NECTIN3: variants seen among roughly 807,000 people sequenced by gnomAD.
NECTIN3 encodes nectin-3.
A neutral mutation model predicts 49.4 loss-of-function variants in NECTIN3; 8 were observed. The ratio of observed to expected loss-of-function variants is 0.16; its 90% CI spans 0.10 to 0.29. The LOEUF (loss-of-function observed/expected upper bound fraction) is 0.29. Ranked by LOEUF, NECTIN3 falls within the 10% of genes least tolerant of loss-of-function variation. The probability of loss-of-function intolerance (pLI) is 1.00; values close to 1 mark genes in which losing one functional copy is unlikely to be tolerated. For synonymous variants in NECTIN3, 277 were observed against 241.1 expected (o/e 1.15, Z -1.38); for missense variants, 581 against 654.6 (o/e 0.89, Z 1.23).
chr3:111,176,545 T>C (rs1284874392), intron 7 of NECTIN3, among the ~76,000 whole-genome samples: 2 of 152,214 alleles, frequency 1.3e-5, no homozygotes, highest in Admixed American at 6.5e-5. Flanking sequence ...ATTTAAAAAA[T>C]TGGTGTTCCT....
downstream of NECTIN3, among the ~76,000 whole-genome samples, chr3:111,138,991 T>G (rs1246508584): frequency 6.6e-5 from 10 of 151,618 alleles, no homozygotes; most frequent in Non-Finnish European, 1.3e-4. Flanking sequence ...CTTCTTATTA[T>G]GGAAAATTAT....
intron 7 of NECTIN3, among the ~76,000 whole-genome samples, chr3:111,166,168 C>G (rs1291164261): frequency 6.6e-6 from 1 of 152,158 alleles, no homozygotes; most frequent in African/African-American, 2.4e-5. Context: ...CCACAGTCAC[C>G]AGAATGGGCA....
chr3:111,098,511 T>TC (rs2032719676), intron 1 of NECTIN3, among the ~76,000 whole-genome samples: 1 of 152,208 alleles, frequency 6.6e-6, no homozygotes, highest in Non-Finnish European at 1.5e-5. Context: ...TTTTCCTGTG[T>TC]CTTTACATGG....
intron 7 of NECTIN3, among the ~76,000 whole-genome samples, chr3:111,170,657 G>C (rs1006036304): frequency 2.0e-5 from 3 of 152,154 alleles, no homozygotes; most frequent in Non-Finnish European, 4.4e-5. Context: ...GAGGTAAGGG[G>C]AACTTCTGGC....
upstream of NECTIN3, among the ~76,000 whole-genome samples, chr3:111,191,288 AT>A (rs1343192774): frequency 6.6e-6 from 1 of 152,218 alleles, no homozygotes; most frequent in African/African-American, 2.4e-5. Flanking sequence ...AAATAAAGAT[AT>A]TAGTTTTGTT....
intron 7 of NECTIN3, among the ~76,000 whole-genome samples, chr3:111,184,140 T>G (rs1031855064): frequency 4.6e-5 from 7 of 152,184 alleles, no homozygotes; most frequent in Non-Finnish European, 1.0e-4. Context: ...ATCCAGTGAC[T>G]TTTTCCATTT....
At chr3:111,172,304 A>T (rs760650293) in intron 7 of NECTIN3, among the ~76,000 whole-genome samples, 1 of 152,180 alleles carries the variant, frequency 6.6e-6, no homozygotes, top group African/African-American at 2.4e-5. Flanking sequence ...TGTTCTGGGC[A>T]CTTGTCACTT....
At chr3:111,150,643 GT>G (rs142553071) in intron 7 of NECTIN3, among the ~76,000 whole-genome samples, 3 of 151,738 alleles carry the variant, frequency 2.0e-5, no homozygotes, top group African/African-American at 7.2e-5. Context: ...TATTGCAGAA[GT>G]ATTTTTCTAA....
At chr3:111,128,113 G>A (rs1227827554) in intron 5 of NECTIN3, among the ~76,000 whole-genome samples, 1 of 152,002 alleles carries the variant, frequency 6.6e-6, no homozygotes, top group East Asian at 1.9e-4. Context: ...CGAGGTAGGT[G>A]GATCACCTGA....
At chr3:111,131,702 A>G (rs563772502) in intron 5 of NECTIN3, among the ~76,000 whole-genome samples, 8 of 151,956 alleles carry the variant, frequency 5.3e-5, no homozygotes, top group Admixed American at 2.6e-4. Context: ...GTGTTCATAT[A>G]AAGAAATTTG....
intron 2 of NECTIN3, among the ~76,000 whole-genome samples, chr3:111,113,906 C>T (rs554236572): frequency 1.3e-5 from 2 of 152,186 alleles, no homozygotes; most frequent in Admixed American, 6.5e-5. Context: ...ATCACCTGTA[C>T]CTGGAGGCGG....
chr3:111,102,102 T>C (rs967437495), intron 1 of NECTIN3, among the ~76,000 whole-genome samples: 2 of 152,188 alleles, frequency 1.3e-5, no homozygotes, highest in Non-Finnish European at 2.9e-5. Context: ...GTCCATCATA[T>C]GGAAAATAAA....
At chr3:111,182,604 G>T (rs2035646681) in intron 7 of NECTIN3, among the ~76,000 whole-genome samples, 1 of 151,450 alleles carries the variant, frequency 6.6e-6, no homozygotes, top group Admixed American at 6.6e-5. Flanking sequence ...AATTTTATTT[G>T]TCCTGAAGTT....
At chr3:111,133,117 T>G (rs1312871329) in intron 5 of NECTIN3, among the ~76,000 whole-genome samples, 1 of 151,908 alleles carries the variant, frequency 6.6e-6, no homozygotes, top group East Asian at 1.9e-4. Context: ...TTCATTCTTT[T>G]AAAGATACGC....
chr3:111,137,886 A>G (rs2034637849), downstream of NECTIN3, among the ~76,000 whole-genome samples: 1 of 148,924 alleles, frequency 6.7e-6, no homozygotes, highest in African/African-American at 2.5e-5. Context: ...ACACAAACCC[A>G]TCACCTAGGT....
upstream of NECTIN3, among the ~76,000 whole-genome samples, chr3:111,190,815 G>A (rs2035801196): frequency 6.6e-6 from 1 of 152,202 alleles, no homozygotes; most frequent in African/African-American, 2.4e-5. Context: ...ACTACTTACT[G>A]GAGTTGAAAG....
chr3:111,106,681 A>G (rs2033195190), intron 1 of NECTIN3, among the ~76,000 whole-genome samples: 1 of 152,184 alleles, frequency 6.6e-6, no homozygotes, highest in Admixed American at 6.6e-5. Context: ...ATTTTTGAGG[A>G]CAACTATATG....
intron 1 of NECTIN3, chr3:111,073,323 G>A (rs2030935365): frequency 6.6e-6 from 1 of 152,242 alleles, no homozygotes; most frequent in Non-Finnish European, 1.5e-5. Context: ...TGATTTAGAA[G>A]GAGGAGAATC....
chr3:111,090,308 ATT>A (rs750932892), intron 1 of NECTIN3, among the ~76,000 whole-genome samples: 38 of 151,882 alleles, frequency 2.5e-4, no homozygotes, highest in Non-Finnish European at 4.4e-4. Flanking sequence ...TTATTCATTT[ATT>A]CATTTATTGC....
Sources: gnomAD v4.1 joint callset for allele counts (sites outside exome capture counted in the v4.1 genomes callset) on GRCh38, gnomAD v4.1.1 for gene constraint, MANE v1.5 for transcripts, NCBI Gene and HGNC (gene_info 2026-07-23, HGNC 2026-07-21) for gene names.